Variants in GRK3 observed in about 807,000 individuals in gnomAD.
GRK3 encodes adrenergic, beta, receptor kinase 2.
In GRK3, 54 loss-of-function variants were observed where a neutral mutation model predicts 95.7. That is an observed-to-expected ratio of 0.56 (90% CI 0.45 to 0.71). The LOEUF (loss-of-function observed/expected upper bound fraction) is 0.71. Among genes scored for constraint, GRK3 ranks in the 30% least tolerant of loss-of-function variants. The pLI is 0.00. For missense variants in GRK3, 649 were observed against 851.2 expected (o/e 0.76, Z 2.96); for synonymous variants, 281 against 290.8 (o/e 0.97, Z 0.34).
rs150309511 is a variant in GRK3, at chr22:25,591,351, A to G, written c.114-13026A>G. Reference sequence around the variant, plus strand: ...CACCTTCCCATCTCATGATGTGTTCACCTGGAAGCTCTCCAAACTCTTCAA... The same window carrying G: ...CACCTTCCCATCTCATGATGTGTTCGCCTGGAAGCTCTCCAAACTCTTCAA... On this transcript the variant is annotated intron_variant, in intron 1 of 20. Transcript: ENST00000324198. 1.6e-3 allele frequency among the ~76,000 whole-genome samples: 236 copies of G among 152,222 alleles called. 3 individuals carry two copies. Among genetic ancestry groups the G allele is most frequent in the African/African-American group, 5.1e-3 (211 of 41,532 alleles).
intron 17 of GRK3, among the ~76,000 whole-genome samples, chr22:25,713,158 A>G (rs2085357421): frequency 1.3e-5 from 2 of 152,182 alleles, no homozygotes; most frequent in South Asian, 4.1e-4. Context: ...CTGGGCAAGG[A>G]GCATGCTTTG....
chr22:25,683,662 A>G (rs972358403), intron 9 of GRK3, among the ~76,000 whole-genome samples: 1 of 152,118 alleles, frequency 6.6e-6, no homozygotes, highest in Non-Finnish European at 1.5e-5. Context: ...TTTGGGGGCT[A>G]TGTGGTATCC....
At chr22:25,662,167 C>G (rs1183855914) in intron 4 of GRK3, among the ~76,000 whole-genome samples, 2 of 151,914 alleles carry the variant, frequency 1.3e-5, no homozygotes, top group Non-Finnish European at 2.9e-5. Context: ...AACAATCTAA[C>G]TTGGTCATTA....
rs373366280 is a variant in GRK3 at position 25,685,146 on chromosome 22, T to G, written c.748-24T>G. 5.1e-6 allele frequency: 8 copies of G among 1,564,216 alleles called. No individual in the cohort carries two copies. In the African/African-American group the frequency reaches 9.5e-5, roughly 19 times the overall value. On this transcript the variant is annotated intron_variant, in intron 9 of 20. Transcript: ENST00000324198. Reference sequence around the variant, plus strand: ...TTCTAGGCAGCTTTTGCTCTTCTTATAAACTTTTATTGTTTCACTCTAGGA... The same window carrying G: ...TTCTAGGCAGCTTTTGCTCTTCTTAGAAACTTTTATTGTTTCACTCTAGGA...
intron 15 of GRK3, among the ~76,000 whole-genome samples, chr22:25,708,058 A>G (rs1031062208): frequency 6.6e-6 from 1 of 152,078 alleles, no homozygotes; most frequent in African/African-American, 2.4e-5. Context: ...CAACATGGTG[A>G]AACCCCATCT....
intron 3 of GRK3, among the ~76,000 whole-genome samples, chr22:25,661,146 C>T (rs377021791): frequency 3.9e-4 from 60 of 151,998 alleles, no homozygotes; most frequent in African/African-American, 1.4e-3. Flanking sequence ...TATTTTTTTC[C>T]TCCTTGTAGT....
At chr22:25,597,271 A>C (rs1438496600) in intron 1 of GRK3, among the ~76,000 whole-genome samples, 2 of 152,176 alleles carry the variant, frequency 1.3e-5, no homozygotes, top group African/African-American at 4.8e-5. Flanking sequence ...TTCCAAAATC[A>C]GTGAAAGATA....
At chr22:25,660,077 A>C (rs1194234994) in intron 3 of GRK3, among the ~76,000 whole-genome samples, 1 of 152,228 alleles carries the variant, frequency 6.6e-6, no homozygotes, top group African/African-American at 2.4e-5. Flanking sequence ...ATAGTCTACC[A>C]TTTTATCCTA....
intron 9 of GRK3, among the ~76,000 whole-genome samples, chr22:25,680,867 A>G (rs563660742): frequency 2.3e-4 from 35 of 152,246 alleles, no homozygotes; most frequent in Admixed American, 2.0e-3. Flanking sequence ...GCTTTTGATC[A>G]GACTGTATCG....
At chr22:25,628,900 C>G (rs2084645804) in intron 2 of GRK3, among the ~76,000 whole-genome samples, 2 of 152,020 alleles carry the variant, frequency 1.3e-5, no homozygotes, top group African/African-American at 4.8e-5. Flanking sequence ...CAGCCGTGGC[C>G]CAGAGGTGAC....
intron 12 of GRK3, among the ~76,000 whole-genome samples, chr22:25,694,219 A>G (rs1422080509): frequency 6.6e-6 from 1 of 152,136 alleles, no homozygotes; most frequent in Non-Finnish European, 1.5e-5. Flanking sequence ...ATGTCATCTG[A>G]TTACCCATTT....
intron 16 of GRK3, among the ~76,000 whole-genome samples, 176 bp from the exon 17 acceptor site, chr22:25,710,892 T>C (rs1022230429): frequency 3.9e-5 from 6 of 152,266 alleles, no homozygotes; most frequent in East Asian, 3.8e-4. Flanking sequence ...TTTGGGGCTA[T>C]TGAGTGCAGT....
chr22:25,592,356 C>T (rs1932521599), intron 1 of GRK3, among the ~76,000 whole-genome samples: 2 of 152,130 alleles, frequency 1.3e-5, no homozygotes, highest in African/African-American at 4.8e-5. Flanking sequence ...TTTAAAGCGT[C>T]TTTATTTATG....
At chr22:25,623,290 T>C (rs1005948010) in intron 2 of GRK3, among the ~76,000 whole-genome samples, 3 of 152,216 alleles carry the variant, frequency 2.0e-5, no homozygotes, top group Non-Finnish European at 4.4e-5. Flanking sequence ...AGCTAGCTAA[T>C]GCGCAGAAAG....
At chr22:25,690,083 C>A in intron 11 of GRK3, 106 bp from the exon 12 acceptor site, 1 of 757,604 alleles carries the variant, frequency 1.3e-6, no homozygotes, top group Non-Finnish European at 2.2e-6. Context: ...TGTTTAGGAA[C>A]AAACTATGAT....
chr22:25,661,428 TAGA>T (rs1459398319), intron 3 of GRK3, 145 bp from the exon 4 acceptor site: 9 of 510,486 alleles, frequency 1.8e-5, no homozygotes, highest in Non-Finnish European at 3.2e-5. Flanking sequence ...ATTACAACAT[TAGA>T]AGTAGCTGTT....
At chr22:25,602,916 T>C (rs1044716452) in intron 1 of GRK3, among the ~76,000 whole-genome samples, 5 of 152,202 alleles carry the variant, frequency 3.3e-5, no homozygotes, top group African/African-American at 9.6e-5. Flanking sequence ...TTTAACAATA[T>C]ACTTTCTTTT....
chr22:25,597,810 G>A (rs1283664902), intron 1 of GRK3, among the ~76,000 whole-genome samples: 1 of 152,176 alleles, frequency 6.6e-6, no homozygotes, highest in African/African-American at 2.4e-5. Flanking sequence ...GAAGACAGTG[G>A]AGTGACATCA....
chr22:25,607,828 A>G (rs908124474), intron 2 of GRK3, among the ~76,000 whole-genome samples: 4 of 150,654 alleles, frequency 2.7e-5, no homozygotes, highest in African/African-American at 9.8e-5. Context: ...TGATCTGCCC[A>G]CCTCAGCCTC....
Sources: gnomAD v4.1 joint callset for allele counts (sites outside exome capture counted in the v4.1 genomes callset) on GRCh38, gnomAD v4.1.1 for gene constraint, MANE v1.5 for transcripts, NCBI Gene and HGNC (gene_info 2026-07-23, HGNC 2026-07-21) for gene names.